FSTL5: variants seen among roughly 807,000 people sequenced by gnomAD.
FSTL5 encodes the protein follistatin like 5, also known as follistatin-related protein 5.
A neutral mutation model predicts 89.1 loss-of-function variants in FSTL5; 62 were observed. That is an observed-to-expected ratio of 0.70 (90% CI 0.57 to 0.86). FSTL5 has a LOEUF of 0.86. FSTL5 is among the 40% of genes least tolerant of loss of function. The probability of loss-of-function intolerance (pLI) is 0.00; values close to 1 mark genes in which losing one functional copy is unlikely to be tolerated. For synonymous variants in FSTL5, 383 were observed against 346.2 expected, an observed-to-expected ratio of 1.11 and a Z score of -1.18; for missense variants, 1,057 against 1,001.6, an observed-to-expected ratio of 1.06 and a Z score of -0.75.
chr4:161,626,310 TG>T (rs1735314604), intron 7 of FSTL5, among the ~76,000 whole-genome samples: 1 of 152,166 alleles, frequency 6.6e-6, no homozygotes, highest in Non-Finnish European at 1.5e-5. Context: ...GACTTTGAAT[TG>T]AAGCCAATGC....
intron 6 of FSTL5, among the ~76,000 whole-genome samples, chr4:161,712,837 C>T (rs1011241849): frequency 4.6e-5 from 7 of 152,110 alleles, no homozygotes; most frequent in Admixed American, 3.9e-4. Context: ...TGACCCCTCA[C>T]CCCCCTCTCT....
intron 3 of FSTL5, among the ~76,000 whole-genome samples, chr4:161,934,135 A>G (rs1375693228): frequency 6.6e-6 from 1 of 152,108 alleles, no homozygotes; most frequent in Non-Finnish European, 1.5e-5. Flanking sequence ...GTTACTTATC[A>G]TGTCCCAGCT....
At chr4:162,010,427 G>A (rs1736726599) in intron 3 of FSTL5, among the ~76,000 whole-genome samples, 1 of 151,988 alleles carries the variant, frequency 6.6e-6, no homozygotes. Context: ...CATGCTAAAA[G>A]GAAAAAAATG....
intron 2 of FSTL5, among the ~76,000 whole-genome samples, chr4:162,102,770 T>TTA (rs1003677640): frequency 1.6e-4 from 24 of 146,858 alleles, no homozygotes; most frequent in Non-Finnish European, 3.0e-4. Flanking sequence ...TATAACATAT[T>TTA]TATATATATA....
intron 8 of FSTL5, among the ~76,000 whole-genome samples, chr4:161,572,228 A>G (rs1053119896): frequency 6.8e-6 from 1 of 147,670 alleles, no homozygotes; most frequent in Non-Finnish European, 1.5e-5. Context: ...CTGAGGCAGG[A>G]GAATCGTTTG....
At chr4:161,461,330 C>T (rs6820813) in intron 13 of FSTL5, among the ~76,000 whole-genome samples, 1 of 143,548 alleles carries the variant, frequency 7.0e-6, no homozygotes, top group South Asian at 2.2e-4. Flanking sequence ...GGAGCTGTGG[C>T]GGGCGCCTGT....
chr4:161,671,177 T>C lies in FSTL5; in HGVS notation c.728-14683A>G, dbSNP rs148311975. 6.0e-3 allele frequency among the ~76,000 whole-genome samples: 914 copies of C among 152,340 alleles called. 8 individuals carry two copies. Among genetic ancestry groups the C allele is most frequent in the South Asian group, 0.045 (218 of 4,828 alleles). On this transcript the variant is annotated intron_variant, in intron 6 of 15. Coordinates refer to ENST00000306100, the MANE Select transcript of FSTL5 (RefSeq NM_020116.5). Reference sequence around the variant, plus strand: ...ATTCTTAGCTCCTTTTTTTACATTGTGCATATCACCACACGTGTGCAACTA... The same window carrying C: ...ATTCTTAGCTCCTTTTTTTACATTGCGCATATCACCACACGTGTGCAACTA...
intron 10 of FSTL5, among the ~76,000 whole-genome samples, chr4:161,527,742 C>A (rs1731274805): frequency 6.6e-6 from 1 of 151,602 alleles, no homozygotes; most frequent in African/African-American, 2.4e-5. Context: ...TGTGGCGATT[C>A]CTCAGGGATC....
chr4:162,116,314 T>G (rs1731634124), intron 1 of FSTL5, among the ~76,000 whole-genome samples: 1 of 152,230 alleles, frequency 6.6e-6, no homozygotes, highest in African/African-American at 2.4e-5. Context: ...TGAAGTAACG[T>G]GTGCCAAGGC....
chr4:161,889,539 G>A (rs1309554957), intron 4 of FSTL5, among the ~76,000 whole-genome samples: 1 of 152,134 alleles, frequency 6.6e-6, no homozygotes, highest in Non-Finnish European at 1.5e-5. Context: ...AGCTACTCAG[G>A]AGGCTGAGGC....
chr4:161,656,357 GAAT>G lies in FSTL5; in HGVS notation c.862_864del (p.Ile288del). On this transcript the variant is annotated inframe_deletion, in exon 7 of 16. Coordinates refer to ENST00000306100, the MANE Select transcript of FSTL5 (RefSeq NM_020116.5). ...ATGTCTTCCAAATCTAAATTATTTA[GAAT>G]AATATTGTTCCTTTTCCAGATAATG... 1.9e-6 allele frequency: 3 copies of G among 1,594,240 alleles called. No individual in the cohort carries two copies. The highest frequency in any genetic ancestry group is 2.6e-6 in the Non-Finnish European group (3 of 1,164,856).
At chr4:161,987,499 A>T (rs11100401) in intron 3 of FSTL5, among the ~76,000 whole-genome samples, 6 of 125,260 alleles carry the variant, frequency 4.8e-5, no homozygotes, top group African/African-American at 2.5e-4. Flanking sequence ...TACATATATA[A>T]AAAATAAATT....
chr4:161,614,690 A>C (rs1329930949), intron 7 of FSTL5, among the ~76,000 whole-genome samples: 1 of 152,186 alleles, frequency 6.6e-6, no homozygotes, highest in Non-Finnish European at 1.5e-5. Context: ...CAATTATATA[A>C]TTTACAATTA....
rs1303974617 is a variant in FSTL5, at chr4:161,987,035, AGC to A, written c.160+46588_160+46589del. On this transcript the variant is annotated intron_variant, in intron 3 of 15. Transcript: ENST00000306100. ...CTTTTCTCACTGTACTCTGAACCAA[AGC>A]CATACTTTCCCCTAAATCTATAGTA... Among the ~76,000 whole-genome samples, 6 of 152,142 alleles carry A rather than the reference AGC, an allele frequency of 3.9e-5. No homozygotes were observed. In the East Asian group the frequency reaches 7.7e-4, roughly 20 times the overall value.
At position 162,163,566 on chromosome 4, in the gene FSTL5, G is replaced by A. The variant is rs1216503016; in HGVS notation, c.-17+49C>T. The A allele has an allele frequency of 2.7e-5, 4 of 150,790 alleles. No individual in the cohort carries two copies. In the Middle Eastern group the frequency reaches 0.014, roughly 520 times the overall value. The allele number at this position is 150,790 out of a possible 1,614,324, so 9.3% of individuals were successfully genotyped here. ...TTTTTAAATTTTTGTATGGCAGTCT[G>A]TATTTCTCCCCCACTTGTAATCATT... On this transcript the variant is annotated intron_variant, in intron 1 of 15. Transcript: ENST00000306100.
At chr4:161,625,490 T>C (rs1451939892) in intron 7 of FSTL5, among the ~76,000 whole-genome samples, 1 of 152,050 alleles carries the variant, frequency 6.6e-6, no homozygotes, top group African/African-American at 2.4e-5. Context: ...TTGGTAAAAA[T>C]TGCGTGTGTT....
At chr4:161,681,626 G>T (rs1442809842) in intron 6 of FSTL5, among the ~76,000 whole-genome samples, 2 of 151,908 alleles carry the variant, frequency 1.3e-5, no homozygotes, top group African/African-American at 4.8e-5. Flanking sequence ...GTAACATATT[G>T]TAAGGAATAT....
At chr4:161,515,566 T>C (rs1246670135) in intron 10 of FSTL5, among the ~76,000 whole-genome samples, 1 of 150,380 alleles carries the variant, frequency 6.6e-6, no homozygotes, top group Non-Finnish European at 1.5e-5. Flanking sequence ...ATTTATCTGA[T>C]AAAATATATA....
intron 10 of FSTL5, among the ~76,000 whole-genome samples, chr4:161,516,959 T>C (rs1730864640): frequency 6.6e-6 from 1 of 152,080 alleles, no homozygotes; most frequent in Admixed American, 6.6e-5. Context: ...AGTGGTGTGA[T>C]CTCTGCTCAA....
Sources: gnomAD v4.1 joint callset for allele counts (sites outside exome capture counted in the v4.1 genomes callset) on GRCh38, gnomAD v4.1.1 for gene constraint, MANE v1.5 for transcripts, NCBI Gene and HGNC (gene_info 2026-07-23, HGNC 2026-07-21) for gene names.